Variants in TRPM3 observed in about 807,000 individuals in gnomAD.
TRPM3 encodes the protein long transient receptor potential channel 3.
In TRPM3, 77 loss-of-function variants were observed where a neutral mutation model predicts 181.2. The observed-to-expected ratio is 0.42, with a 90% confidence interval of 0.35 to 0.51. TRPM3 has a LOEUF of 0.51. Ranked by LOEUF, TRPM3 falls within the 20% of genes least tolerant of loss-of-function variation. TRPM3 has a pLI of 0.01. For synonymous variants in TRPM3, 745 were observed against 796.4 expected (o/e 0.94, Z 1.09); for missense variants, 1,759 against 2,196.7 (o/e 0.80, Z 3.98).
chr9:70,619,361 G>A (rs982669664), intron 16 of TRPM3, among the ~76,000 whole-genome samples: 2 of 151,490 alleles, frequency 1.3e-5, no homozygotes, highest in Non-Finnish European at 2.9e-5. Context: ...GAGTGTAGGA[G>A]GTGGAGCAAG....
intron 16 of TRPM3, among the ~76,000 whole-genome samples, chr9:70,619,652 C>T (rs1034261683): frequency 6.6e-6 from 1 of 151,024 alleles, no homozygotes; most frequent in African/African-American, 2.4e-5. Flanking sequence ...TGGGCTCAAA[C>T]GATCCACACA....
chr9:71,082,343 A>G (rs2064498986), intron 1 of TRPM3, among the ~76,000 whole-genome samples: 1 of 152,150 alleles, frequency 6.6e-6, no homozygotes, highest in Non-Finnish European at 1.5e-5. Flanking sequence ...TCATGATGCC[A>G]ATTTTCCTCA....
chr9:70,855,671 C>T (rs905291219), intron 3 of TRPM3, among the ~76,000 whole-genome samples: 6 of 152,126 alleles, frequency 3.9e-5, no homozygotes, highest in African/African-American at 9.7e-5. Flanking sequence ...ATTTTCCTTT[C>T]GGTTTGAGAA....
chr9:71,329,953 C>A (rs1163961686), intron 1 of TRPM3, among the ~76,000 whole-genome samples: 2 of 152,080 alleles, frequency 1.3e-5, no homozygotes, highest in Non-Finnish European at 2.9e-5. Flanking sequence ...AGATTTAATT[C>A]ACAGGAGTTG....
At chr9:70,756,324 G>A (rs1156340997) in intron 8 of TRPM3, among the ~76,000 whole-genome samples, 1 of 151,830 alleles carries the variant, frequency 6.6e-6, no homozygotes, top group Non-Finnish European at 1.5e-5. Context: ...CAATACAGGA[G>A]CACCCAGATT....
chr9:71,219,954 A>C (rs942082989), intron 1 of TRPM3, among the ~76,000 whole-genome samples: 2 of 152,200 alleles, frequency 1.3e-5, no homozygotes, highest in African/African-American at 4.8e-5. Context: ...AAAATGGATT[A>C]TATTCCCCTT....
chr9:71,320,978 CTTG>C (rs1379989695), intron 1 of TRPM3, among the ~76,000 whole-genome samples: 2 of 152,226 alleles, frequency 1.3e-5, no homozygotes, highest in East Asian at 3.9e-4. Context: ...GGCATCATCA[CTTG>C]TTGTTGTCTT....
chr9:71,232,475 A>G (rs2081112848), intron 1 of TRPM3, among the ~76,000 whole-genome samples: 1 of 145,318 alleles, frequency 6.9e-6, no homozygotes, highest in Non-Finnish European at 1.5e-5. Flanking sequence ...ACGCACATGG[A>G]AATTGAATTC....
chr9:70,935,385 T>A (rs552933622), intron 1 of TRPM3, among the ~76,000 whole-genome samples: 3 of 152,316 alleles, frequency 2.0e-5, no homozygotes, highest in Admixed American at 6.5e-5. Context: ...TGGCATTTGA[T>A]GAATGCTGTT....
Position 71,439,440 on chromosome 9 carries a change from G to T in TRPM3, c.183+7213C>A, listed in dbSNP as rs988238395. Among the ~76,000 whole-genome samples the T allele has an allele frequency of 1.8e-4, 27 of 152,208 alleles. 1 individual carries two copies. Among genetic ancestry groups the T allele is most frequent in the African/African-American group, 5.8e-4 (24 of 41,514 alleles). On this transcript the variant is annotated intron_variant, in intron 1 of 24. Coordinates refer to the TRPM3 transcript ENST00000357533. ...CTTAATGTTCATAAGTCATCCTGGG[G>T]GGCAGGTATTTTCATCTTCATTTTA...
intron 1 of TRPM3, among the ~76,000 whole-genome samples, chr9:71,433,801 C>G (rs956184707): frequency 1.3e-5 from 2 of 152,184 alleles, no homozygotes; most frequent in African/African-American, 4.8e-5. Context: ...TCCCCTAGCT[C>G]TTTGTGCTTC....
chr9:70,939,790 C>G (rs940746481), intron 1 of TRPM3, among the ~76,000 whole-genome samples: 18 of 152,172 alleles, frequency 1.2e-4, no homozygotes, highest in African/African-American at 4.3e-4. Context: ...GTCGCTTCTA[C>G]TTGGCATTCT....
At chr9:71,270,676 C>T (rs1002169618) in intron 1 of TRPM3, among the ~76,000 whole-genome samples, 2 of 152,184 alleles carry the variant, frequency 1.3e-5, no homozygotes, top group Admixed American at 6.5e-5. Context: ...AATACCTTTA[C>T]TCCTGGTATA....
chr9:71,444,371 C>A (rs918717482), intron 1 of TRPM3, among the ~76,000 whole-genome samples: 11 of 151,694 alleles, frequency 7.3e-5, no homozygotes, highest in Admixed American at 7.2e-4. Context: ...ATGAAAGCCC[C>A]CATGTTTTAC....
intron 6 of TRPM3, among the ~76,000 whole-genome samples, chr9:70,792,317 A>C (rs1353177751): frequency 6.6e-6 from 1 of 151,988 alleles, no homozygotes; most frequent in East Asian, 1.9e-4. Flanking sequence ...GGTCCTCCAG[A>C]CCAACCATGT....
intron 1 of TRPM3, among the ~76,000 whole-genome samples, chr9:71,006,439 T>C (rs908651354): frequency 2.0e-5 from 3 of 151,720 alleles, no homozygotes; most frequent in Admixed American, 1.3e-4. Flanking sequence ...CTATATGTTA[T>C]CTAAGAAAAA....
chr9:71,112,832 A>C (rs1229284783), intron 1 of TRPM3, among the ~76,000 whole-genome samples: 1 of 152,190 alleles, frequency 6.6e-6, no homozygotes, highest in Non-Finnish European at 1.5e-5. Flanking sequence ...GGATTCAGAG[A>C]AATTTTTCTG....
At chr9:71,203,207 G>A (rs546212603) in intron 1 of TRPM3, among the ~76,000 whole-genome samples, 1 of 152,146 alleles carries the variant, frequency 6.6e-6, no homozygotes, top group South Asian at 2.1e-4. Context: ...AGACAGAGCT[G>A]GTTAGAATGC....
chr9:71,102,685 C>T (rs922914948), intron 1 of TRPM3, among the ~76,000 whole-genome samples: 1 of 152,086 alleles, frequency 6.6e-6, no homozygotes, highest in Non-Finnish European at 1.5e-5. Flanking sequence ...TTAACTTTTT[C>T]CTCAAGCAAA....
Sources: allele counts gnomAD v4.1 joint callset (sites outside exome capture counted in the v4.1 genomes callset), GRCh38; gene constraint gnomAD v4.1.1; transcripts MANE v1.5; gene names NCBI Gene and HGNC (gene_info 2026-07-23, HGNC 2026-07-21).